The following DCLK1 variants were observed in gnomAD, a reference collection of about 807,000 sequenced individuals.
DCLK1 encodes doublecortin like kinase 1, also known as serine/threonine-protein kinase DCLK1.
A neutral mutation model predicts 86.2 loss-of-function variants in DCLK1; 16 were observed. The observed-to-expected ratio is 0.19, with a 90% confidence interval of 0.13 to 0.28. The LOEUF (loss-of-function observed/expected upper bound fraction) is 0.28. DCLK1 is among the 10% of genes least tolerant of loss of function. The probability of loss-of-function intolerance (pLI) is 1.00; values close to 1 mark genes in which losing one functional copy is unlikely to be tolerated. For synonymous variants in DCLK1, 369 were observed against 370.5 expected, an observed-to-expected ratio of 1.00 and a Z score of 0.05; for missense variants, 590 against 940.2, an observed-to-expected ratio of 0.63 and a Z score of 4.87.
intron 3 of DCLK1, among the ~76,000 whole-genome samples, chr13:36,007,638 C>T (rs1881040265): frequency 1.3e-5 from 2 of 152,134 alleles, no homozygotes; most frequent in African/African-American, 4.8e-5. Flanking sequence ...TGAATATATT[C>T]TATTCCCTAA....
intron 4 of DCLK1, among the ~76,000 whole-genome samples, chr13:35,930,179 A>T (rs1232215937): frequency 6.6e-6 from 1 of 152,202 alleles, no homozygotes; most frequent in Non-Finnish European, 1.5e-5. Flanking sequence ...TTAAACCCTG[A>T]AGTAGATATT....
intron 4 of DCLK1, among the ~76,000 whole-genome samples, chr13:35,885,935 G>T (rs909871842): frequency 2.6e-5 from 4 of 151,494 alleles, no homozygotes; most frequent in Admixed American, 1.3e-4. Context: ...CTAGAGGAGA[G>T]ATGTAAAATT....
intron 3 of DCLK1, among the ~76,000 whole-genome samples, chr13:36,044,675 C>T (rs1467366188): frequency 6.6e-6 from 1 of 152,076 alleles, no homozygotes; most frequent in African/African-American, 2.4e-5. Context: ...TACTACTTGA[C>T]TCTGCAATAA....
At chr13:36,074,257 CT>C (rs1884085332) in intron 3 of DCLK1, among the ~76,000 whole-genome samples, 1 of 151,876 alleles carries the variant, frequency 6.6e-6, no homozygotes, top group African/African-American at 2.4e-5. Context: ...AATCCCAGCA[CT>C]TTGGGAGGCC....
intron 3 of DCLK1, among the ~76,000 whole-genome samples, chr13:35,976,532 T>TTTTTTTTTTTTTTTTTTTTTA: frequency 1.7e-5 from 2 of 115,470 alleles, no homozygotes; most frequent in African/African-American, 5.8e-5. Context: ...GAGGTTTTTT[T>TTTTTTTTTTTTTTTTTTTTTA]TTTTTTTTTT....
intron 16 of DCLK1, among the ~76,000 whole-genome samples, chr13:35,777,005 C>A (rs1332296839): frequency 6.6e-6 from 1 of 152,204 alleles, no homozygotes; most frequent in African/African-American, 2.4e-5. Flanking sequence ...CTTGTAAGAA[C>A]AATTATATTC....
intron 3 of DCLK1, among the ~76,000 whole-genome samples, chr13:36,045,368 A>ATCTATCTATCTATC (rs1555358861): frequency 3.2e-5 from 3 of 94,926 alleles, no homozygotes; most frequent in African/African-American, 9.7e-5. Context: ...ATATATATAT[A>ATCTATCTATCTATC]TATATATATT....
chr13:36,091,615 A>G (rs1884831155), intron 3 of DCLK1, among the ~76,000 whole-genome samples: 1 of 152,236 alleles, frequency 6.6e-6, no homozygotes, highest in Admixed American at 6.5e-5. Context: ...AAGTTAGTCC[A>G]GAAAATTTAT....
chr13:35,780,363 T>C (rs978875637), intron 16 of DCLK1, among the ~76,000 whole-genome samples: 2 of 152,210 alleles, frequency 1.3e-5, no homozygotes, highest in Non-Finnish European at 2.9e-5. Context: ...TGCAGTAGAA[T>C]TCCCAAGTGT....
intron 4 of DCLK1, among the ~76,000 whole-genome samples, chr13:35,928,553 G>A (rs9601656): frequency 0.6 from 91,512 of 151,988 alleles, 28,448 homozygotes; most frequent in Admixed American, 0.7. Context: ...TCTTCTTCAT[G>A]GCACTTACCT....
intron 3 of DCLK1, among the ~76,000 whole-genome samples, chr13:35,975,621 A>C (rs1593784481): frequency 1.3e-5 from 2 of 152,056 alleles, no homozygotes; most frequent in African/African-American, 4.8e-5. Context: ...TGGAGACAAA[A>C]GGAGGAGGCA....
At chr13:36,016,848 T>C (rs1881554936) in intron 3 of DCLK1, among the ~76,000 whole-genome samples, 1 of 152,238 alleles carries the variant, frequency 6.6e-6, no homozygotes, top group Admixed American at 6.5e-5. Context: ...AAATATTTTA[T>C]ATTATTTTAT....
chr13:36,071,912 T>C (rs1300693139), intron 3 of DCLK1, among the ~76,000 whole-genome samples: 1 of 152,146 alleles, frequency 6.6e-6, no homozygotes, highest in African/African-American at 2.4e-5. Context: ...AAATCAAAAC[T>C]GGAAAAATAT....
intron 4 of DCLK1, among the ~76,000 whole-genome samples, chr13:35,897,460 T>C (rs916820663): frequency 1.4e-4 from 22 of 152,130 alleles, no homozygotes; most frequent in African/African-American, 4.1e-4. Context: ...AGGAGCTCCA[T>C]AAATAGCCAA....
At chr13:35,828,790 C>T (rs566348553) in intron 8 of DCLK1, among the ~76,000 whole-genome samples, 7 of 152,154 alleles carry the variant, frequency 4.6e-5, no homozygotes, top group South Asian at 2.1e-4. Context: ...GATGAGTTTC[C>T]GCCCTTCCCC....
At chr13:36,057,339 CT>C (rs1313281060) in intron 3 of DCLK1, among the ~76,000 whole-genome samples, 2 of 152,030 alleles carry the variant, frequency 1.3e-5, no homozygotes, top group African/African-American at 2.4e-5. Context: ...ACTTTCCTGT[CT>C]TTAAAAAACC....
At chr13:36,072,505 T>C (rs1202250806) in intron 3 of DCLK1, among the ~76,000 whole-genome samples, 1 of 152,248 alleles carries the variant, frequency 6.6e-6, no homozygotes, top group Non-Finnish European at 1.5e-5. Flanking sequence ...GATTTATATC[T>C]TCAGGCCAGA....
intron 11 of DCLK1, among the ~76,000 whole-genome samples, chr13:35,813,722 C>A (rs1384502951): frequency 1.4e-5 from 2 of 147,962 alleles, no homozygotes; most frequent in African/African-American, 5.0e-5. Context: ...GCACAGTGCC[C>A]CGCCCCGCTT....
chr13:35,808,600 T>C (rs927133047), intron 13 of DCLK1, among the ~76,000 whole-genome samples: 3 of 152,062 alleles, frequency 2.0e-5, no homozygotes, highest in African/African-American at 7.2e-5. Flanking sequence ...TTGGCCAACA[T>C]GGTGAAACCC....
Sources: allele counts gnomAD v4.1 joint callset (sites outside exome capture counted in the v4.1 genomes callset), GRCh38; gene constraint gnomAD v4.1.1; transcripts MANE v1.5; gene names NCBI Gene and HGNC (gene_info 2026-07-23, HGNC 2026-07-21).